The following CASR variants were observed in gnomAD, a reference collection of about 807,000 sequenced individuals.
CASR encodes the protein calcium sensing receptor.
A neutral mutation model predicts 69.1 loss-of-function variants in CASR; 23 were observed. The ratio of observed to expected loss-of-function variants is 0.33; its 90% CI spans 0.24 to 0.47. The LOEUF (loss-of-function observed/expected upper bound fraction) is 0.47, where lower values mean the gene tolerates loss of function less well. Ranked by LOEUF, CASR falls within the 20% of genes least tolerant of loss-of-function variation. The pLI is 1.00. For synonymous variants in CASR, 541 were observed against 544.7 expected (o/e 0.99, Z 0.10); for missense variants, 924 against 1,356.1 (o/e 0.68, Z 5.00).
chr3:122,225,821 C>A (rs1467667812), intron 1 of CASR, among the ~76,000 whole-genome samples: 2 of 152,176 alleles, frequency 1.3e-5, no homozygotes, highest in African/African-American at 4.8e-5. Flanking sequence ...ATGGAGTCAA[C>A]CAAGATGCCC....
chr3:122,257,411 G>A (rs372422029), intron 3 of CASR, 24 bp downstream of exon 3: 14 of 1,574,908 alleles, frequency 8.9e-6, no homozygotes, highest in South Asian at 3.3e-5. Context: ...CTCAGGCGGG[G>A]CACTGGGAGC....
rs200898785 is a variant in CASR, at chr3:122,262,199, G to A, written c.1164G>A (p.Ser388=). 1.8e-4 allele frequency: 291 copies of A among 1,614,194 alleles called. 3 individuals carry two copies. In the South Asian group the frequency reaches 2.8e-3, roughly 16 times the overall value. The change falls in exon 4 of 7, where the codon TCG becomes TCA. Residue 388 remains serine, a synonymous_variant. Coordinates refer to ENST00000639785, the MANE Select transcript of CASR (RefSeq NM_000388.4). ...EESGDRFSNS[S]TAFRPLCTGD... ...GTGGCGACAGGTTTAGCAACAGCTC[G>A]ACAGCCTTCCGACCCCTCTGTACAG...
At chr3:122,268,250 A>T (rs1281721540) in intron 4 of CASR, among the ~76,000 whole-genome samples, 2 of 152,238 alleles carry the variant, frequency 1.3e-5, no homozygotes, top group Admixed American at 1.3e-4. Flanking sequence ...GTGCCTATAT[A>T]CTATGTGCAG....
At chr3:122,274,042 A>T (rs2074788095) in intron 4 of CASR, among the ~76,000 whole-genome samples, 1 of 152,230 alleles carries the variant, frequency 6.6e-6, no homozygotes. Flanking sequence ...GTCAACCATC[A>T]GAGAAGGTGG....
rs2074639946 is a variant in CASR, at chr3:122,262,431, T to C, written c.1377+19T>C. On this transcript the variant is annotated intron_variant, in intron 4 of 6. Coordinates refer to ENST00000639785, the MANE Select transcript of CASR (RefSeq NM_000388.4). Reference sequence around the variant, plus strand: ...GTGGCAGGTGCGTCCTTCACTTATATAGCAATTTGCTGTATAATAAAGCAG... The same window carrying C: ...GTGGCAGGTGCGTCCTTCACTTATACAGCAATTTGCTGTATAATAAAGCAG... 1.2e-6 allele frequency: 2 copies of C among 1,604,726 alleles called. No homozygotes were observed. The highest frequency in any genetic ancestry group is 1.3e-5 in the African/African-American group (1 of 74,976).
At chr3:122,250,328 T>C (rs1218916936) in intron 1 of CASR, among the ~76,000 whole-genome samples, 2 of 152,274 alleles carry the variant, frequency 1.3e-5, no homozygotes, top group Non-Finnish European at 2.9e-5. Context: ...CTGCTACAAA[T>C]TGACCCCAAA....
At chr3:122,269,797 C>T (rs2074737585) in intron 4 of CASR, among the ~76,000 whole-genome samples, 1 of 152,068 alleles carries the variant, frequency 6.6e-6, no homozygotes, top group Admixed American at 6.5e-5. Context: ...AAATCTTTGG[C>T]AGCACTCATC....
chr3:122,273,002 G>C (rs1163729813), intron 4 of CASR, among the ~76,000 whole-genome samples: 1 of 152,210 alleles, frequency 6.6e-6, no homozygotes, highest in Non-Finnish European at 1.5e-5. Flanking sequence ...AAAGGATCTT[G>C]TGCAGTTCCC....
chr3:122,238,118 G>T (rs748580797), intron 1 of CASR, among the ~76,000 whole-genome samples: 5 of 152,140 alleles, frequency 3.3e-5, no homozygotes, highest in African/African-American at 4.8e-5. Flanking sequence ...CACAGCACCC[G>T]GTGCTAATTT....
intron 1 of CASR, among the ~76,000 whole-genome samples, chr3:122,222,985 A>T (rs2107603088): frequency 6.6e-6 from 1 of 152,312 alleles, no homozygotes; most frequent in East Asian, 1.9e-4. Context: ...TAAACAATGA[A>T]ATTAAGGCAG....
At chr3:122,266,215 C>G (rs115449976) in intron 4 of CASR, among the ~76,000 whole-genome samples, 9 of 148,870 alleles carry the variant, frequency 6.0e-5, no homozygotes, top group Non-Finnish European at 8.9e-5. Context: ...AATGAGCAAC[C>G]GTTTGACTTT....
At chr3:122,275,779 T>C (rs201949096) in intron 4 of CASR, 33 bp from the exon 5 acceptor site, 40 of 1,436,742 alleles carry the variant, frequency 2.8e-5, no homozygotes, top group Non-Finnish European at 3.9e-5. Context: ...GTGGCAGCCC[T>C]GGGGCTTGTA....
chr3:122,201,317 G>A (rs2073948682), intron 1 of CASR, among the ~76,000 whole-genome samples: 1 of 152,190 alleles, frequency 6.6e-6, no homozygotes, highest in African/African-American at 2.4e-5. Flanking sequence ...AGGGTTGGGG[G>A]TAAGGTCATA....
chr3:122,254,098 C>A lies in CASR; in HGVS notation c.-92C>A. The A allele has an allele frequency of 1.8e-6, 2 of 1,103,644 alleles. No homozygotes were observed. The highest frequency in any genetic ancestry group is 2.8e-6 in the Non-Finnish European group (2 of 718,318). 68.4% of individuals were successfully genotyped at this position (1,103,644 alleles called of 1,614,324 possible). A position where few individuals can be genotyped will look rare whatever the true frequency, so the allele number is the denominator to read the frequency against. On this transcript the variant is annotated 5_prime_UTR_variant, in exon 2 of 7. In the 5' UTR this introduces an upstream ATG that the reference lacks. Coordinates refer to ENST00000639785, the MANE Select transcript of CASR (RefSeq NM_000388.4). ...ATCAATCTGTAGACATGTGTCCCCA[C>A]TGCAGGGAGTGAACTGCTCCAAGGG...
At chr3:122,220,163 C>A (rs998687909) in intron 1 of CASR, among the ~76,000 whole-genome samples, 3 of 152,294 alleles carry the variant, frequency 2.0e-5, no homozygotes, top group Non-Finnish European at 4.4e-5. Context: ...AGAAGAGACA[C>A]CTGATCCCAA....
At chr3:122,195,069 C>T (rs1443879448) in intron 1 of CASR, among the ~76,000 whole-genome samples, 1 of 152,046 alleles carries the variant, frequency 6.6e-6, no homozygotes. Context: ...CCTCCCTTCT[C>T]CATCTTTCTG....
chr3:122,285,841 G>A lies in CASR; in HGVS notation c.*650G>A, dbSNP rs2074963810. The A allele has an allele frequency of 6.4e-6, 1 of 156,510 alleles. No homozygotes were observed. Among genetic ancestry groups the A allele is most frequent in the Admixed American group, 6.1e-5 (1 of 16,268 alleles). 9.7% of individuals were successfully genotyped at this position (156,510 alleles called of 1,614,324 possible). A position where few individuals can be genotyped will look rare whatever the true frequency, so the allele number is the denominator to read the frequency against. ...GAATCACCTCAAATTGTTAGGAAGG[G>A]ACTGCATAAACCAATGAGCTGTATC... On this transcript the variant is annotated 3_prime_UTR_variant, in exon 7 of 7. Coordinates refer to ENST00000639785, the MANE Select transcript of CASR (RefSeq NM_000388.4).
At chr3:122,193,774 G>A (rs1452081064) in intron 1 of CASR, among the ~76,000 whole-genome samples, 1 of 152,138 alleles carries the variant, frequency 6.6e-6, no homozygotes, top group Non-Finnish European at 1.5e-5. Context: ...GTAAAACTAT[G>A]GAAAGGGATT....
At chr3:122,261,004 G>A (rs2107631209) in intron 3 of CASR, among the ~76,000 whole-genome samples, 1 of 152,270 alleles carries the variant, frequency 6.6e-6, no homozygotes, top group Admixed American at 6.5e-5. Flanking sequence ...CCTCTGAAGA[G>A]CCTTAAGTTT....
Sources: gnomAD v4.1 joint callset for allele counts (sites outside exome capture counted in the v4.1 genomes callset) on GRCh38, gnomAD v4.1.1 for gene constraint, MANE v1.5 for transcripts, NCBI Gene and HGNC (gene_info 2026-07-23, HGNC 2026-07-21) for gene names.